The following FRMD6 variants were observed in gnomAD, a reference collection of about 807,000 sequenced individuals.
FRMD6 encodes FERM domain containing 6, also known as FERM domain-containing protein 6.
Under a neutral mutation model 73.2 loss-of-function variants are expected in FRMD6, and 37 were observed. The ratio of observed to expected loss-of-function variants is 0.51; its 90% CI spans 0.39 to 0.66. FRMD6 has a LOEUF of 0.66. Among genes scored for constraint, FRMD6 ranks in the 30% least tolerant of loss-of-function variants. FRMD6 has a pLI of 0.00. For synonymous variants in FRMD6, 273 were observed against 282.2 expected (o/e 0.97, Z 0.33); for missense variants, 714 against 780.5 (o/e 0.91, Z 1.02).
intron 2 of FRMD6, among the ~76,000 whole-genome samples, chr14:51,614,256 G>C (rs1012953196): frequency 3.9e-5 from 6 of 152,054 alleles, no homozygotes; most frequent in Admixed American, 3.9e-4. Flanking sequence ...CTAGAAATAG[G>C]TGACTTTTCT....
the FRMD6 span, among the ~76,000 whole-genome samples, chr14:51,417,292 G>A: frequency 5.1e-4 from 78 of 152,256 alleles, 1 homozygote; most frequent in Non-Finnish European, 8.7e-4. Flanking sequence ...GGCTGGTACC[G>A]GTTGTTCCTT....
the FRMD6 span, among the ~76,000 whole-genome samples, chr14:51,467,915 G>A: frequency 6.6e-6 from 1 of 152,138 alleles, no homozygotes; most frequent in Non-Finnish European, 1.5e-5. Context: ...CTGCAATCTC[G>A]GTACTCTGGG....
At chr14:51,433,170 C>T in the FRMD6 span, among the ~76,000 whole-genome samples, 1 of 152,180 alleles carries the variant, frequency 6.6e-6, no homozygotes, top group Non-Finnish European at 1.5e-5. Context: ...TACTGTTTGA[C>T]TCAGAAATCT....
At chr14:51,406,955 T>C in the FRMD6 span, among the ~76,000 whole-genome samples, 2 of 152,176 alleles carry the variant, frequency 1.3e-5, no homozygotes, top group African/African-American at 4.8e-5. Flanking sequence ...TATTTACATA[T>C]AGATTTTTGT....
At chr14:51,409,340 C>CTTTT in the FRMD6 span, among the ~76,000 whole-genome samples, 4 of 84,148 alleles carry the variant, frequency 4.8e-5, no homozygotes, top group African/African-American at 1.4e-4. Flanking sequence ...AAGTTTTTTG[C>CTTTT]TTTTTTTTTT....
the FRMD6 span, among the ~76,000 whole-genome samples, chr14:51,438,658 TTG>T: frequency 6.6e-6 from 1 of 152,220 alleles, no homozygotes; most frequent in African/African-American, 2.4e-5. Context: ...CCATTCGCCA[TTG>T]GTTTCTGATA....
At chr14:51,487,151 C>A (rs952106867), upstream of FRMD6, among the ~76,000 whole-genome samples, 3 of 152,120 alleles carry the variant, frequency 2.0e-5, no homozygotes, top group Admixed American at 1.3e-4. Context: ...CTAGCGTGTA[C>A]AGTGTCCCAG....
chr14:51,552,427 T>G (rs1596584028), intron 1 of FRMD6, among the ~76,000 whole-genome samples: 1 of 152,308 alleles, frequency 6.6e-6, no homozygotes, highest in Non-Finnish European at 1.5e-5. Context: ...GCCTTTGAAT[T>G]CCCTGCCAGT....
At chr14:51,521,385 A>T (rs1884946011) in intron 1 of FRMD6, among the ~76,000 whole-genome samples, 1 of 152,252 alleles carries the variant, frequency 6.6e-6, no homozygotes, top group Admixed American at 6.5e-5. Flanking sequence ...GAATATAAAT[A>T]GCTAAAATGA....
At chr14:51,582,317 A>G (rs1288385071) in intron 2 of FRMD6, among the ~76,000 whole-genome samples, 1 of 152,130 alleles carries the variant, frequency 6.6e-6, no homozygotes, top group Non-Finnish European at 1.5e-5. Context: ...GTCCGTCAGG[A>G]TAGTCCGTCG....
At chr14:51,711,118 C>T (rs1306432108) in intron 7 of FRMD6, among the ~76,000 whole-genome samples, 2 of 152,074 alleles carry the variant, frequency 1.3e-5, no homozygotes, top group African/African-American at 4.8e-5. Flanking sequence ...ATAACTATTA[C>T]ATTTGATTTA....
chr14:51,507,064 G>T (rs1016755717), intron 1 of FRMD6, among the ~76,000 whole-genome samples: 8 of 144,524 alleles, frequency 5.5e-5, no homozygotes, highest in African/African-American at 2.0e-4. Context: ...TTTTTGAAAT[G>T]ATTAGAATTG....
In FRMD6 at chr14:51,728,193, C is replaced by CT. The variant is rs1465948294; in HGVS notation, c.*167dup. 1 of 662,510 alleles carries CT rather than the reference C, an allele frequency of 1.5e-6. No homozygotes were observed. Among genetic ancestry groups the CT allele is most frequent in the Non-Finnish European group, 2.5e-6 (1 of 401,426 alleles). The allele number at this position is 662,510 out of a possible 1,614,324, so 41.0% of individuals were successfully genotyped here. A position where few individuals can be genotyped will look rare whatever the true frequency, so the allele number is the denominator to read the frequency against. On this transcript the variant is annotated 3_prime_UTR_variant, in exon 14 of 14. Coordinates refer to ENST00000344768, the MANE Select transcript of FRMD6 (RefSeq NM_001267046.2). ...AAACAAAAGCCTTGGAACAATTGCA[C>CT]TTTAAGTATTACACAGAAGTAAAAG...
At chr14:51,714,141 A>G (rs1181737249) in intron 9 of FRMD6, 5 of 152,208 alleles carry the variant, frequency 3.3e-5, no homozygotes, top group Non-Finnish European at 7.3e-5. Flanking sequence ...AGCAAGTTAC[A>G]TAAACTCTGT....
intron 5 of FRMD6, among the ~76,000 whole-genome samples, chr14:51,703,123 C>T (rs1896426065): frequency 6.6e-6 from 1 of 151,986 alleles, no homozygotes; most frequent in African/African-American, 2.4e-5. Context: ...GTGAAGCTAT[C>T]CTATCAGAAT....
At chr14:51,467,120 C>G in the FRMD6 span, among the ~76,000 whole-genome samples, 1 of 152,158 alleles carries the variant, frequency 6.6e-6, no homozygotes, top group South Asian at 2.1e-4. Flanking sequence ...TGCCGCCTTC[C>G]GCAGTGTTTG....
At chr14:51,397,208 A>G in the FRMD6 span, 146 of 152,314 alleles carry the variant, frequency 9.6e-4, no homozygotes, top group Non-Finnish European at 1.7e-3. Context: ...CTGAGTCTAT[A>G]TATATACATC....
At position 51,608,482 on chromosome 14, in the gene FRMD6, C is replaced by G. The variant is rs542432537; in HGVS notation, c.-147+38072C>G. On this transcript the variant is annotated intron_variant, in intron 2 of 14. Transcript: ENST00000356218. ...CTTAACACAATGCCTGGCATGAAGT[C>G]ATTCCTAAGGAAAGATGAAATCCTG... 5.3e-5 allele frequency among the ~76,000 whole-genome samples: 8 copies of G among 152,218 alleles called. No homozygotes were observed. The East Asian group carries it at 1.4e-3, about 26-fold the overall frequency.
intron 1 of FRMD6, among the ~76,000 whole-genome samples, chr14:51,683,687 G>A (rs4290402): frequency 0.39 from 59,747 of 151,768 alleles, 11,900 homozygotes; most frequent in African/African-American, 0.45. Flanking sequence ...AATCTTAGGC[G>A]GCCAATACTA....
Sources: gnomAD v4.1 joint callset for allele counts (sites outside exome capture counted in the v4.1 genomes callset) on GRCh38, gnomAD v4.1.1 for gene constraint, MANE v1.5 for transcripts, NCBI Gene and HGNC (gene_info 2026-07-23, HGNC 2026-07-21) for gene names.